Variants in CNTN6 observed in about 807,000 individuals in gnomAD.
The protein encoded by CNTN6 is contactin-6.
In CNTN6, 137 loss-of-function variants were observed where a neutral mutation model predicts 122.8. The observed-to-expected ratio is 1.12, with a 90% CI of 0.97 to 1.29. CNTN6 has a LOEUF of 1.29. CNTN6 is among the 50% of genes most tolerant of loss of function. CNTN6 has a pLI of 0.00. For missense variants in CNTN6, 1,634 were observed against 1,223.4 expected, an observed-to-expected ratio of 1.34 and a Z score of -5.01; for synonymous variants, 570 against 426.0, an observed-to-expected ratio of 1.34 and a Z score of -4.16.
chr3:1,281,409 T>A (rs987325387), intron 5 of CNTN6, among the ~76,000 whole-genome samples: 1 of 151,774 alleles, frequency 6.6e-6, no homozygotes, highest in Non-Finnish European at 1.5e-5. Context: ...AAACAAAGCT[T>A]CTCATAAAGA....
chr3:1,127,815 AATTGATGTGGT>A (rs1177567398), intron 1 of CNTN6, among the ~76,000 whole-genome samples: 2 of 151,854 alleles, frequency 1.3e-5, no homozygotes, highest in African/African-American at 2.4e-5. Context: ...CCAAAGCAAC[AATTGATGTGGT>A]ATTTTCTAAT....
intron 2 of CNTN6, among the ~76,000 whole-genome samples, chr3:1,175,089 C>T (rs780696003): frequency 1.8e-4 from 27 of 151,650 alleles, no homozygotes; most frequent in Non-Finnish European, 3.5e-4. Flanking sequence ...CAAAATTTGG[C>T]CAGGCATGGT....
chr3:1,119,028 C>T (rs189059704), intron 1 of CNTN6, among the ~76,000 whole-genome samples: 163 of 152,212 alleles, frequency 1.1e-3, no homozygotes, highest in African/African-American at 3.8e-3. Context: ...ATCCATCTCC[C>T]ATCTTTCTAA....
chr3:1,388,454 A>AGAT (rs1368909965), intron 20 of CNTN6, among the ~76,000 whole-genome samples: 2 of 151,734 alleles, frequency 1.3e-5, no homozygotes, highest in African/African-American at 2.4e-5. Flanking sequence ...AAAACCACAA[A>AGAT]GATGGGGAAA....
At chr3:1,270,581 C>T (rs2095007578) in intron 4 of CNTN6, among the ~76,000 whole-genome samples, 1 of 152,166 alleles carries the variant, frequency 6.6e-6, no homozygotes, top group Non-Finnish European at 1.5e-5. Context: ...GGAACCGCAT[C>T]GTGAAGGTGA....
intron 2 of CNTN6, among the ~76,000 whole-genome samples, chr3:1,180,656 A>T (rs1242780171): frequency 6.6e-6 from 1 of 152,226 alleles, no homozygotes; most frequent in African/African-American, 2.4e-5. Context: ...AACAGGCTTA[A>T]ATGCAAGCTT....
chr3:1,155,127 C>A (rs1021690674), intron 2 of CNTN6, among the ~76,000 whole-genome samples: 10 of 152,082 alleles, frequency 6.6e-5, no homozygotes, highest in Non-Finnish European at 1.3e-4. Flanking sequence ...TCTTGTCAAC[C>A]TTTTTTACTG....
rs866957577 is a variant in CNTN6, at chr3:1,137,306, G to T, written c.-82-10621G>T. On this transcript the variant is annotated intron_variant, in intron 1 of 22. Transcript: ENST00000446702. Reference sequence around the variant, plus strand: ...TATTTGTTGTTGTTAATGCCTTTTTGTTGTACTTTTACCGCATGGAAATAT... The same window carrying T: ...TATTTGTTGTTGTTAATGCCTTTTTTTTGTACTTTTACCGCATGGAAATAT... Among the ~76,000 whole-genome samples, 71 of 152,186 alleles carry T rather than the reference G, an allele frequency of 4.7e-4. 2 individuals are homozygous for T. Among genetic ancestry groups the T allele is most frequent in the African/African-American group, 1.6e-3 (67 of 41,458 alleles).
intron 2 of CNTN6, among the ~76,000 whole-genome samples, chr3:1,219,758 G>C (rs908654498): frequency 6.6e-6 from 1 of 152,216 alleles, no homozygotes; most frequent in Non-Finnish European, 1.5e-5. Context: ...GATCATGCCT[G>C]TAATCCCAGC....
chr3:1,288,129 G>A (rs1694670094), intron 5 of CNTN6, among the ~76,000 whole-genome samples: 1 of 152,138 alleles, frequency 6.6e-6, no homozygotes, highest in Admixed American at 6.5e-5. Flanking sequence ...TTTGGCCAAT[G>A]TACAACCAGT....
intron 2 of CNTN6, among the ~76,000 whole-genome samples, chr3:1,202,658 T>C (rs1364959925): frequency 6.6e-6 from 1 of 152,112 alleles, no homozygotes; most frequent in African/African-American, 2.4e-5. Flanking sequence ...TCTTCAAACA[T>C]TGAAGTAAGA....
intron 1 of CNTN6, among the ~76,000 whole-genome samples, chr3:1,140,625 A>G: frequency 6.6e-6 from 1 of 152,074 alleles, no homozygotes; most frequent in East Asian, 1.9e-4. Context: ...TTTCAGCAAG[A>G]CTTCATGGCC....
intron 1 of CNTN6, among the ~76,000 whole-genome samples, chr3:1,123,802 T>C (rs1314336270): frequency 1.3e-5 from 2 of 152,018 alleles, no homozygotes; most frequent in Non-Finnish European, 2.9e-5. Context: ...TACCATTGAG[T>C]ATGATGTTAG....
rs76140363 is a variant in CNTN6, at chr3:1,207,582, C to G, written c.56-13105C>G. On this transcript the variant is annotated intron_variant, in intron 2 of 22. Transcript: ENST00000446702. ...AAAATAACACCTGACTTCAGCATTT[C>G]TAGCTCCCTTACCCTTTATTTCTCT... 3.8e-3 allele frequency among the ~76,000 whole-genome samples: 572 copies of G among 152,170 alleles called. 1 individual carries two copies. Among genetic ancestry groups the G allele is most frequent in the African/African-American group, 0.013 (550 of 41,530 alleles).
chr3:1,383,763 T>A (rs1692310528), intron 19 of CNTN6, among the ~76,000 whole-genome samples: 1 of 152,112 alleles, frequency 6.6e-6, no homozygotes, highest in Non-Finnish European at 1.5e-5. Context: ...AGCAGCAGCT[T>A]GGAAGCAGTT....
chr3:1,338,204 T>C (rs891283665), intron 11 of CNTN6, among the ~76,000 whole-genome samples: 2 of 152,164 alleles, frequency 1.3e-5, no homozygotes, highest in Non-Finnish European at 2.9e-5. Context: ...TAGCATCTTA[T>C]AAATTATTAA....
chr3:1,105,584 A>G (rs2091179913), intron 1 of CNTN6, among the ~76,000 whole-genome samples: 2 of 152,182 alleles, frequency 1.3e-5, no homozygotes, highest in African/African-American at 4.8e-5. Flanking sequence ...GAATGGTCAG[A>G]TAAAAACTGA....
intron 3 of CNTN6, among the ~76,000 whole-genome samples, chr3:1,227,292 T>C (rs931692105): frequency 6.6e-6 from 1 of 152,224 alleles, no homozygotes; most frequent in African/African-American, 2.4e-5. Context: ...ACATGATTAA[T>C]TTTCCAAGTA....
chr3:1,268,410 A>T (rs372471401), intron 4 of CNTN6, among the ~76,000 whole-genome samples: 2 of 152,152 alleles, frequency 1.3e-5, no homozygotes, highest in Admixed American at 1.3e-4. Flanking sequence ...GATCGAGACC[A>T]TCCTGGTTAA....
Sources: gnomAD v4.1 joint callset for allele counts (sites outside exome capture counted in the v4.1 genomes callset) on GRCh38, gnomAD v4.1.1 for gene constraint, MANE v1.5 for transcripts, NCBI Gene and HGNC (gene_info 2026-07-23, HGNC 2026-07-21) for gene names.